CELF2: variants seen among roughly 807,000 people sequenced by gnomAD.
CELF2 encodes CUG triplet repeat RNA-binding protein 2.
In CELF2, 8 loss-of-function variants were observed where a neutral mutation model predicts 62.6. That is an observed-to-expected ratio of 0.13 (90% CI 0.07 to 0.23). CELF2 has a LOEUF of 0.23. Ranked by LOEUF, CELF2 falls within the 10% of genes least tolerant of loss-of-function variation. The pLI, the probability that CELF2 is intolerant of heterozygous loss-of-function variation, is 1.00. For missense variants in CELF2, 333 were observed against 671.0 expected (o/e 0.50, Z 5.56); for synonymous variants, 258 against 250.0 (o/e 1.03, Z -0.30).
the CELF2 span, among the ~76,000 whole-genome samples, chr10:10,591,134 TAA>T: frequency 7.2e-5 from 11 of 152,304 alleles, no homozygotes; most frequent in East Asian, 1.7e-3. Flanking sequence ...TCATCTATGT[TAA>T]GACATAAAAG....
At chr10:10,843,591 G>A (rs776133098) in intron 1 of CELF2, among the ~76,000 whole-genome samples, 2 of 151,868 alleles carry the variant, frequency 1.3e-5, no homozygotes, top group Non-Finnish European at 2.9e-5. Flanking sequence ...CTCATAATGG[G>A]ATCTATCTTG....
chr10:11,319,033 G>C lies in CELF2; in HGVS notation c.1097-2156G>C. The C allele has an allele frequency of 2.1e-6, 1 of 471,022 alleles. No homozygotes were observed. Among genetic ancestry groups the C allele is most frequent in the Non-Finnish European group, 4.4e-6 (1 of 227,066 alleles). 29.2% of individuals were successfully genotyped at this position (471,022 alleles called of 1,614,324 possible). A position where few individuals can be genotyped will look rare whatever the true frequency, so the allele number is the denominator to read the frequency against. Reference sequence around the variant, plus strand: ...TCAGCCCGTCCTCGTCTGGCAGCAAGGCCCCACATGGCTCTGCAGGCTGCG... The same window carrying C: ...TCAGCCCGTCCTCGTCTGGCAGCAACGCCCCACATGGCTCTGCAGGCTGCG... On this transcript the variant is annotated intron_variant, in intron 10 of 12. Coordinates refer to ENST00000633077, the MANE Select transcript of CELF2 (RefSeq NM_001326342.2). This position sits in a 1 kb window ranked among gnomAD's most constrained non-coding sequence, Gnocchi z 4.4.
At chr10:10,978,367 T>TA (rs2051619584) in intron 2 of CELF2, among the ~76,000 whole-genome samples, 2 of 152,192 alleles carry the variant, frequency 1.3e-5, no homozygotes, top group Admixed American at 6.5e-5. Flanking sequence ...GAATCCATCA[T>TA]AAAAAATTGG....
chr10:10,551,505 C>A, the CELF2 span, among the ~76,000 whole-genome samples: 86 of 152,216 alleles, frequency 5.6e-4, no homozygotes, highest in African/African-American at 1.8e-3. Context: ...CCCTCCCCCC[C>A]AGTCTCCACT....
chr10:10,559,096 A>G, the CELF2 span, among the ~76,000 whole-genome samples: 29 of 152,146 alleles, frequency 1.9e-4, no homozygotes, highest in Non-Finnish European at 3.8e-4. Flanking sequence ...TTAAAAATAC[A>G]TGTGTTGCTG....
rs1353124491 is a variant in CELF2, at chr10:11,321,451, G to GGT, written c.1294+66_1294+67dup. 1.5e-6 allele frequency: 2 copies of GGT among 1,293,488 alleles called. No individual in the cohort carries two copies. The highest frequency in any genetic ancestry group is 2.2e-6 in the Non-Finnish European group (2 of 925,950). The allele number at this position is 1,293,488 out of a possible 1,614,324, so 80.1% of individuals were successfully genotyped here. A position where few individuals can be genotyped will look rare whatever the true frequency, so the allele number is the denominator to read the frequency against. ...CAGGCAGCACTGGCCTCTAGAGCAC[G>GGT]GTTAGAAGGTATCAAATTGAACTGA... On this transcript the variant is annotated intron_variant, in intron 11 of 12. Transcript: ENST00000633077. The surrounding 1 kb of genome is among the most constrained non-coding windows in gnomAD (Gnocchi z 6.2).
At chr10:11,053,004 T>A (rs1014070390) in intron 1 of CELF2, among the ~76,000 whole-genome samples, 3 of 152,210 alleles carry the variant, frequency 2.0e-5, no homozygotes, top group South Asian at 2.1e-4. Context: ...GTTTTTTTTT[T>A]AAATGTTTTC....
the CELF2 span, among the ~76,000 whole-genome samples, chr10:10,645,067 G>A: frequency 6.6e-6 from 1 of 152,170 alleles, no homozygotes; most frequent in Non-Finnish European, 1.5e-5. Flanking sequence ...ATGATCTCCT[G>A]GGGATACTGG....
At chr10:10,912,808 G>A (rs550967351) in intron 1 of CELF2, among the ~76,000 whole-genome samples, 3 of 152,300 alleles carry the variant, frequency 2.0e-5, no homozygotes, top group South Asian at 2.1e-4. Context: ...CATGGGCTCC[G>A]GAGCTGGGAT....
chr10:11,008,690 A>G lies in CELF2; in HGVS notation c.53+3250A>G, dbSNP rs2055780428. 6.6e-6 allele frequency among the ~76,000 whole-genome samples: 1 copy of G among 152,198 alleles called. No homozygotes were observed. Among genetic ancestry groups the G allele is most frequent in the Non-Finnish European group, 1.5e-5 (1 of 68,036 alleles). ...AAAGAAAGTAAAATGCACAAGGAAG[A>G]GTGTTACGTGGGGACGATCATTCTG... On this transcript the variant is annotated intron_variant, in intron 1 of 12. Transcript: ENST00000416382. This position sits in a 1 kb window ranked among gnomAD's most constrained non-coding sequence, Gnocchi z 4.5.
chr10:10,919,693 T>C (rs2064704034), intron 1 of CELF2, among the ~76,000 whole-genome samples: 1 of 152,242 alleles, frequency 6.6e-6, no homozygotes, highest in Admixed American at 6.5e-5. Flanking sequence ...ATTTTTACAT[T>C]TTAATGTTTT....
Position 11,111,456 on chromosome 10 carries a change from T to C in CELF2, c.75-54030T>C, listed in dbSNP as rs539946147. 3.6e-4 allele frequency among the ~76,000 whole-genome samples: 55 copies of C among 152,336 alleles called. No homozygotes were observed. In the South Asian group the frequency reaches 0.011, roughly 32 times the overall value. ...TTTCTTTGATCTGCATTCAATAAAATGTGTCTCATAGACTGAGAAATTTTT... is the reference window on the plus strand; with the variant it reads ...TTTCTTTGATCTGCATTCAATAAAACGTGTCTCATAGACTGAGAAATTTTT... On this transcript the variant is annotated intron_variant, in intron 1 of 12. Coordinates refer to ENST00000633077, the MANE Select transcript of CELF2 (RefSeq NM_001326342.2).
At chr10:11,288,014 A>G (rs535388482) in intron 8 of CELF2, among the ~76,000 whole-genome samples, 100 of 152,334 alleles carry the variant, frequency 6.6e-4, no homozygotes, top group African/African-American at 2.3e-3. Flanking sequence ...CTTGGCAGCT[A>G]TGTCATAGAA....
chr10:10,606,880 T>G, the CELF2 span, among the ~76,000 whole-genome samples: 4 of 152,190 alleles, frequency 2.6e-5, no homozygotes, highest in African/African-American at 9.7e-5. Flanking sequence ...GATGGCAGAT[T>G]AGGACTTAGA....
chr10:10,603,784 T>TACACACACACACAC, the CELF2 span, among the ~76,000 whole-genome samples: 2 of 148,446 alleles, frequency 1.3e-5, no homozygotes, highest in Non-Finnish European at 3.0e-5. Flanking sequence ...TATTTACACA[T>TACACACACACACAC]ACACACACAC....
the CELF2 span, among the ~76,000 whole-genome samples, chr10:10,532,260 G>C: frequency 6.6e-6 from 1 of 152,214 alleles, no homozygotes; most frequent in African/African-American, 2.4e-5. Context: ...GTAATCATTT[G>C]TTCCCAAGAT....
chr10:11,252,179 T>C (rs143420576), intron 4 of CELF2, among the ~76,000 whole-genome samples: 2 of 152,352 alleles, frequency 1.3e-5, no homozygotes, highest in African/African-American at 4.8e-5. Context: ...TATGTAGTTT[T>C]CTAAAGCGAG....
At chr10:11,261,410 A>G (rs1590068963) in intron 5 of CELF2, among the ~76,000 whole-genome samples, 2 of 109,794 alleles carry the variant, frequency 1.8e-5, no homozygotes, top group South Asian at 6.7e-4. Context: ...TTCAGTCGGA[A>G]TCACTGCCTT....
At chr10:10,599,299 G>T in the CELF2 span, among the ~76,000 whole-genome samples, 1 of 152,136 alleles carries the variant, frequency 6.6e-6, no homozygotes, top group African/African-American at 2.4e-5. Context: ...TGACATTCAA[G>T]TTCCTTGCTT....
Sources: gnomAD v4.1 joint callset for allele counts (sites outside exome capture counted in the v4.1 genomes callset) on GRCh38, gnomAD v4.1.1 for gene constraint, Gnocchi (gnomAD v3.1) non-coding constraint, MANE v1.5 for transcripts, NCBI Gene and HGNC (gene_info 2026-07-23, HGNC 2026-07-21) for gene names.